ABCB8: variants seen among roughly 807,000 people sequenced by gnomAD.
ABCB8 encodes mitochondrial potassium channel ATP-binding subunit.
In ABCB8, 52 loss-of-function variants were observed where a neutral mutation model predicts 73.0. The observed-to-expected ratio is 0.71, with a 90% CI of 0.57 to 0.90. The LOEUF is 0.90. Among genes scored for constraint, ABCB8 ranks in the 40% least tolerant of loss-of-function variants. The pLI is 0.00. For synonymous variants in ABCB8, 428 were observed against 423.5 expected, an observed-to-expected ratio of 1.01 and a Z score of -0.13; for missense variants, 909 against 974.6, an observed-to-expected ratio of 0.93 and a Z score of 0.90.
Position 151,040,568 on chromosome 7 carries a change from CT to C in ABCB8, c.1323del (p.Gly443AlafsTer31). The stretch of plus-strand genomic sequence containing the variant: ...GCCCTGAACCCCTGCATCCCACTGT[CT>C]GGGGGCTGCTGCGTCCCCAAAGAGC... The part of the protein sequence containing the change: ...YMALNPCIPL[S>X]GGCCVPKEQL... On this transcript the variant is annotated frameshift_variant, in exon 11 of 16. Transcript: ENST00000358849. LOFTEE classifies it high-confidence loss of function. 6.2e-7 allele frequency: 1 copy of C among 1,613,396 alleles called. No individual in the cohort carries two copies. Among genetic ancestry groups the C allele is most frequent in the Non-Finnish European group, 8.5e-7 (1 of 1,179,944 alleles).
At chr7:151,034,066 ACTGGGTGG>A in intron 2 of ABCB8, 149 bp downstream of exon 2, 1 of 1,207,264 alleles carries the variant, frequency 8.3e-7, no homozygotes, top group Non-Finnish European at 1.1e-6. Flanking sequence ...GAGCATCAAC[ACTGGGTGG>A]CTGGGTGGGC....
At position 151,041,165 on chromosome 7, in the gene ABCB8, A is replaced by G; in HGVS notation, c.1550A>G (p.Asp517Gly). 6.2e-7 allele frequency: 1 copy of G among 1,611,314 alleles called. No homozygotes were observed. ...YDPTAGVVMLDGRDLRTLDPS... is the reference protein window; with the variant it reads ...YDPTAGVVMLGGRDLRTLDPS... The stretch of plus-strand genomic sequence containing the variant: ...CCCACGGCAGGCGTGGTGATGCTGG[A>G]TGGGCGGGACCTGCGCACCCTTGAC... The change falls in exon 13 of 16, where the codon GAT becomes GGT. Residue 517 changes from aspartate to glycine, a missense_variant. Physicochemically the swap from Asp to Gly is moderately conservative, Grantham distance 94 (BLOSUM62 -1). Transcript: ENST00000358849.
chr7:151,028,704 G>A, intron 1 of ABCB8, 94 bp downstream of exon 1: 1 of 1,556,914 alleles, frequency 6.4e-7, no homozygotes, highest in Non-Finnish European at 8.6e-7. Context: ...GCTTGCGCGA[G>A]GCTTGCTGGG....
chr7:151,034,911 C>A, intron 5 of ABCB8, 82 bp downstream of exon 5: 1 of 1,294,466 alleles, frequency 7.7e-7, no homozygotes, highest in Non-Finnish European at 1.1e-6. Flanking sequence ...CCCGCCCCAG[C>A]CCTGATGTTG....
Position 151,041,152 on chromosome 7 carries a change from G to A in ABCB8, c.1537G>A (p.Val513Met), listed in dbSNP as rs201171069. ...GCGCTTCTACGACCCCACGGCAGGC[G>A]TGGTGATGCTGGATGGGCGGGACCT... ...LERFYDPTAG[V>M]VMLDGRDLRT... is the part of the protein sequence containing the mutation. Residue 513 changes from valine (V) to methionine (M), a missense_variant, in exon 13 of 16, where the codon GTG (valine) becomes ATG (methionine). Val to Met is a conservative substitution (Grantham distance 21). Coordinates refer to ENST00000358849, the MANE Select transcript of ABCB8 (RefSeq NM_007188.5). The A allele has an allele frequency of 1.7e-4, 280 of 1,612,240 alleles. 2 individuals carry two copies. In the East Asian group the frequency reaches 2.1e-3, roughly 12 times the overall value.
intron 12 of ABCB8, 45 bp from the exon 13 acceptor site, chr7:151,041,054 T>C: frequency 6.2e-7 from 1 of 1,613,204 alleles, no homozygotes; most frequent in Non-Finnish European, 8.5e-7. Context: ...CCTGGGACAA[T>C]CCCTAGAATC....
At chr7:151,033,491 C>G (rs1483975515) in intron 1 of ABCB8, 114 bp from the exon 2 acceptor site, 77 of 1,473,152 alleles carry the variant, frequency 5.2e-5, no homozygotes, top group Non-Finnish European at 6.3e-5. Flanking sequence ...GGGCAAGGGC[C>G]TGACAGAAGA....
At chr7:151,040,977 G>A in intron 12 of ABCB8, 55 bp downstream of exon 12, 1 of 1,605,390 alleles carries the variant, frequency 6.2e-7, no homozygotes, top group East Asian at 2.2e-5. Context: ...CAGCCACTCA[G>A]AGCAAGGCCG....
Position 151,047,355 on chromosome 7 carries a change from G to C in ABCB8, c.*2006G>C. 1 of 152,266 alleles carries C rather than the reference G, an allele frequency of 6.6e-6. No homozygotes were observed. The highest frequency in any genetic ancestry group is 3.2e-3 in the Middle Eastern group (1 of 316). 9.4% of individuals were successfully genotyped at this position (152,266 alleles called of 1,614,324 possible). On this transcript the variant is annotated 3_prime_UTR_variant, in exon 16 of 16. Transcript: ENST00000358849. The stretch of plus-strand genomic sequence containing the variant: ...AGCCTAGCTGTGCTTGATGCTGAAT[G>C]CCTGTTTTGAGAGTGTGAGTGGGAT...
chr7:151,041,287 C>T, intron 13 of ABCB8, 55 bp downstream of exon 13: 1 of 1,541,546 alleles, frequency 6.5e-7, no homozygotes, highest in South Asian at 1.2e-5. Context: ...CCCCTGGGCC[C>T]TGCCCCCTTA....
chr7:151,044,318 G>T, intron 15 of ABCB8, 97 bp downstream of exon 15: 1 of 1,525,696 alleles, frequency 6.6e-7, no homozygotes, highest in Non-Finnish European at 8.8e-7. Flanking sequence ...TTGTGGCCTG[G>T]CCCCAGGGCC....
At position 151,035,928 on chromosome 7, in the gene ABCB8, GGACTGTGCGTGC is replaced by G; in HGVS notation, c.975_986del (p.Thr326_Ala329del). The G allele has an allele frequency of 6.2e-7, 1 of 1,613,834 alleles. No homozygotes were observed. Among genetic ancestry groups the G allele is most frequent in the Non-Finnish European group, 8.5e-7 (1 of 1,180,036 alleles). On this transcript the variant is annotated inframe_deletion, in exon 7 of 16. Coordinates refer to ENST00000358849, the MANE Select transcript of ABCB8 (RefSeq NM_007188.5). The stretch of plus-strand genomic sequence containing the variant: ...GCAGACGAGGCCCTGGGCAATGTGC[GGACTGTGCGTGC>G]CTTCGCCATGGAGCAACGGGAAGAG...
intron 1 of ABCB8, among the ~76,000 whole-genome samples, chr7:151,032,391 G>T (rs953370195): frequency 1.3e-5 from 2 of 152,198 alleles, no homozygotes; most frequent in African/African-American, 4.8e-5. Context: ...CCTGCACACA[G>T]TAGGTTCAAA....
chr7:151,036,938 G>A (rs1212601863), intron 9 of ABCB8: 2 of 713,368 alleles, frequency 2.8e-6, no homozygotes, highest in Non-Finnish European at 5.1e-6. Context: ...TGTTTCAACT[G>A]TGGTAAAGTA....
intron 1 of ABCB8, among the ~76,000 whole-genome samples, chr7:151,032,485 G>A (rs566486543): frequency 1.4e-4 from 22 of 152,286 alleles, no homozygotes; most frequent in African/African-American, 5.3e-4. Context: ...CATGAGGTCA[G>A]GAGTTCAAGA....
chr7:151,042,844 G>A (rs1027242807), intron 14 of ABCB8, among the ~76,000 whole-genome samples: 11 of 152,332 alleles, frequency 7.2e-5, no homozygotes, highest in African/African-American at 1.4e-4. Context: ...CCCAGCCATC[G>A]TGTTCTAGAT....
chr7:151,041,031 A>AGG (rs3214587), intron 12 of ABCB8, 68 bp from the exon 13 acceptor site: 209,640 of 1,611,898 alleles, frequency 0.13, 14,823 homozygotes, highest in East Asian at 0.26. Context: ...CACTGCCACA[A>AGG]GGGGCCTTCT....
At chr7:151,038,692 T>A (rs1248889034) in intron 9 of ABCB8, 1 of 152,154 alleles carries the variant, frequency 6.6e-6, no homozygotes, top group East Asian at 1.9e-4. Flanking sequence ...CCCACCGTAC[T>A]GCTTGGCCAT....
intron 1 of ABCB8, chr7:151,032,885 A>T (rs1796201335): frequency 2.6e-6 from 1 of 380,090 alleles, no homozygotes; most frequent in Admixed American, 2.9e-5. Flanking sequence ...CAGGCCAGGG[A>T]GGGGAGGTAG....
Sources: allele counts gnomAD v4.1 joint callset (sites outside exome capture counted in the v4.1 genomes callset), GRCh38; gene constraint gnomAD v4.1.1; transcripts MANE v1.5; gene names NCBI Gene and HGNC (gene_info 2026-07-23, HGNC 2026-07-21).